The following PIP5K1B variants were observed in gnomAD, a reference collection of about 807,000 sequenced individuals.
The protein encoded by PIP5K1B is phosphatidylinositol-4-phosphate 5-kinase type 1 beta, also known as phosphatidylinositol 4-phosphate 5-kinase type-1 beta.
PIP5K1B carries 42 observed loss-of-function variants against 67.0 expected under a neutral mutation model. The ratio of observed to expected loss-of-function variants is 0.63; its 90% CI spans 0.49 to 0.81. The LOEUF (loss-of-function observed/expected upper bound fraction) is 0.81, where lower values mean the gene tolerates loss of function less well. Ranked by LOEUF, PIP5K1B falls within the 30% of genes least tolerant of loss-of-function variation. The pLI is 0.00. For synonymous variants in PIP5K1B, 214 were observed against 231.4 expected, an observed-to-expected ratio of 0.92 and a Z score of 0.68; for missense variants, 459 against 646.3, an observed-to-expected ratio of 0.71 and a Z score of 3.14.
At chr9:68,780,140 C>A in intron 2 of PIP5K1B, 1 of 1,507,336 alleles carries the variant, frequency 6.6e-7, no homozygotes, top group Non-Finnish European at 8.8e-7. Flanking sequence ...TGACTGAGCA[C>A]CTCCCCCGCC....
chr9:68,742,993 T>A (rs556615041), intron 2 of PIP5K1B, among the ~76,000 whole-genome samples: 6 of 152,280 alleles, frequency 3.9e-5, no homozygotes, highest in Non-Finnish European at 8.8e-5. Context: ...TAACTGAAAA[T>A]ATGAGCCAGA....
chr9:68,884,673 A>T (rs1824375430), intron 6 of PIP5K1B, among the ~76,000 whole-genome samples: 1 of 152,004 alleles, frequency 6.6e-6, no homozygotes, highest in Non-Finnish European at 1.5e-5. Flanking sequence ...TTTAAAAAAA[A>T]AAAAAAAAAA....
At chr9:68,826,511 A>G (rs1418144139) in intron 4 of PIP5K1B, among the ~76,000 whole-genome samples, 1 of 152,310 alleles carries the variant, frequency 6.6e-6, no homozygotes, top group East Asian at 1.9e-4. Context: ...ACTCTGGGCA[A>G]AACAGTTTGC....
Position 68,901,572 on chromosome 9 carries a change from T to C in PIP5K1B, c.771+6934T>C, listed in dbSNP as rs1331710408. On this transcript the variant is annotated intron_variant, in intron 8 of 15. Coordinates refer to ENST00000265382, the MANE Select transcript of PIP5K1B (RefSeq NM_003558.4). ...CCATGCCCAGCCAAATCCACTGTCT[T>C]TCAAAGTGTGTTTTACAAACACTGT... 2.6e-5 allele frequency among the ~76,000 whole-genome samples: 4 copies of C among 152,244 alleles called. No homozygotes were observed. In the East Asian group the frequency reaches 5.8e-4, roughly 22 times the overall value.
At chr9:68,918,795 TCTAA>T (rs751596088) in intron 9 of PIP5K1B, among the ~76,000 whole-genome samples, 1 of 152,208 alleles carries the variant, frequency 6.6e-6, no homozygotes, top group East Asian at 1.9e-4. Flanking sequence ...TGCAAATCGA[TCTAA>T]CTGTCCAATA....
intron 1 of PIP5K1B, among the ~76,000 whole-genome samples, chr9:68,733,627 C>CTT (rs35759487): frequency 2.8e-4 from 16 of 56,524 alleles, no homozygotes; most frequent in East Asian, 1.7e-3. Flanking sequence ...TACTTAGACT[C>CTT]TTTTTTTTTT....
At chr9:68,884,945 A>G (rs1824393441) in intron 6 of PIP5K1B, among the ~76,000 whole-genome samples, 1 of 152,194 alleles carries the variant, frequency 6.6e-6, no homozygotes, top group Non-Finnish European at 1.5e-5. Flanking sequence ...TGATCCAACA[A>G]CCCCACCACT....
At chr9:68,963,707 T>C (rs1325090947) in intron 14 of PIP5K1B, among the ~76,000 whole-genome samples, 1 of 152,148 alleles carries the variant, frequency 6.6e-6, no homozygotes, top group African/African-American at 2.4e-5. Context: ...TTTACAATGG[T>C]AGTGGGGGCA....
chr9:68,958,888 AT>A (rs1828553607), intron 14 of PIP5K1B, among the ~76,000 whole-genome samples: 1 of 152,226 alleles, frequency 6.6e-6, no homozygotes, highest in Non-Finnish European at 1.5e-5. Context: ...TATTGCAAAT[AT>A]TATATCAGAA....
intron 12 of PIP5K1B, among the ~76,000 whole-genome samples, chr9:68,926,561 T>C (rs1201033829): frequency 6.6e-6 from 1 of 152,156 alleles, no homozygotes; most frequent in Non-Finnish European, 1.5e-5. Flanking sequence ...CATTTTCTAA[T>C]TTTTTAAATT....
intron 2 of PIP5K1B, among the ~76,000 whole-genome samples, chr9:68,806,099 T>C (rs1587480135): frequency 6.6e-6 from 1 of 152,336 alleles, no homozygotes; most frequent in African/African-American, 2.4e-5. Context: ...CCCTGTGTTG[T>C]AGATAAAGTT....
intron 2 of PIP5K1B, among the ~76,000 whole-genome samples, chr9:68,772,664 T>A (rs1177594874): frequency 6.6e-6 from 1 of 152,218 alleles, no homozygotes; most frequent in Non-Finnish European, 1.5e-5. Context: ...TGCCCAATTA[T>A]TCTACTCAGA....
At chr9:68,798,394 A>G (rs916068953) in intron 2 of PIP5K1B, among the ~76,000 whole-genome samples, 1 of 152,242 alleles carries the variant, frequency 6.6e-6, no homozygotes, top group African/African-American at 2.4e-5. Flanking sequence ...TGGAGTTTAC[A>G]TTATAGTGAG....
intron 15 of PIP5K1B, among the ~76,000 whole-genome samples, chr9:68,994,702 A>C (rs114908233): frequency 0.014 from 2,122 of 152,266 alleles, 52 homozygotes; most frequent in African/African-American, 0.049. Flanking sequence ...TCATATTTTA[A>C]CTTAGTCTCT....
chr9:68,893,528 T>G (rs992611484), intron 7 of PIP5K1B, among the ~76,000 whole-genome samples: 1 of 152,012 alleles, frequency 6.6e-6, no homozygotes, highest in Non-Finnish European at 1.5e-5. Context: ...GAGACAGGGT[T>G]TCACCATGCT....
chr9:68,928,075 A>C (rs558044084), intron 12 of PIP5K1B, among the ~76,000 whole-genome samples: 6 of 139,834 alleles, frequency 4.3e-5, no homozygotes, highest in East Asian at 3.9e-4. Context: ...TAAACCAGAC[A>C]AAAAAAAAAG....
intron 1 of PIP5K1B, among the ~76,000 whole-genome samples, chr9:68,731,519 G>A (rs915217718): frequency 6.6e-6 from 1 of 152,182 alleles, no homozygotes; most frequent in Non-Finnish European, 1.5e-5. Flanking sequence ...AGGTGCGGAG[G>A]GCAAAGGGGC....
intron 1 of PIP5K1B, among the ~76,000 whole-genome samples, chr9:68,709,295 G>T (rs1432249591): frequency 6.6e-6 from 1 of 151,848 alleles, no homozygotes; most frequent in Non-Finnish European, 1.5e-5. Context: ...AGGCTGGAGT[G>T]CAGTGGCCCA....
intron 4 of PIP5K1B, among the ~76,000 whole-genome samples, chr9:68,850,596 G>A (rs914736982): frequency 4.6e-5 from 7 of 152,142 alleles, no homozygotes; most frequent in South Asian, 2.1e-4. Context: ...AGTAACATCC[G>A]CTATAAGCAT....
Sources: gnomAD v4.1 joint callset for allele counts (sites outside exome capture counted in the v4.1 genomes callset) on GRCh38, gnomAD v4.1.1 for gene constraint, MANE v1.5 for transcripts, NCBI Gene and HGNC (gene_info 2026-07-23, HGNC 2026-07-21) for gene names.